SLC4A5: variants seen among roughly 807,000 people sequenced by gnomAD.
SLC4A5 encodes electrogenic sodium bicarbonate cotransporter 4.
Under a neutral mutation model 120.4 loss-of-function variants are expected in SLC4A5, and 96 were observed. The ratio of observed to expected loss-of-function variants is 0.80; its 90% CI spans 0.68 to 0.94. SLC4A5 has a LOEUF of 0.94. Among genes scored for constraint, SLC4A5 ranks in the 40% least tolerant of loss-of-function variants. The pLI is 0.00. For synonymous variants in SLC4A5, 550 were observed against 571.1 expected (o/e 0.96, Z 0.53); for missense variants, 1,259 against 1,459.5 (o/e 0.86, Z 2.24).
chr2:74,239,381 G>A, exon 21 of SLC4A5: 1 of 1,614,190 alleles, frequency 6.2e-7, no homozygotes, highest in Non-Finnish European at 8.5e-7. Flanking sequence ...CAGGGTCAGG[G>A]TCATGGAGTA....
intron 23 of SLC4A5, 109 bp from the exon 24 acceptor site, chr2:74,232,756 C>A: frequency 7.4e-7 from 1 of 1,352,490 alleles, no homozygotes; most frequent in Non-Finnish European, 1.0e-6. Flanking sequence ...CCAGAAGATA[C>A]TGAAGGGGCC....
rs1374437973 is a variant in SLC4A5 at position 74,288,475 on chromosome 2, C to T, written c.272-2573G>A. ...TCTCTGGAACTTCAGAGGTGATCAT[C>T]GCCGCTCTGAACTGAAATGTGACTT... On this transcript the variant is annotated intron_variant, in intron 7 of 30. Coordinates refer to ENST00000394019, the Ensembl canonical transcript of SLC4A5. Among the ~76,000 whole-genome samples, 5 of 152,178 alleles carry T rather than the reference C, an allele frequency of 3.3e-5. No individual in the cohort carries two copies. The South Asian group carries it at 6.2e-4, about 19-fold the overall frequency.
At chr2:74,264,024 G>A (rs1671223019) in intron 10 of SLC4A5, 123 bp downstream of exon 10, 5 of 1,294,304 alleles carry the variant, frequency 3.9e-6, no homozygotes, top group African/African-American at 3.0e-5. Context: ...AGGAGGCTGA[G>A]GGATCCCCAG....
intron 23 of SLC4A5, 75 bp downstream of exon 23, chr2:74,233,324 GCAT>G: frequency 6.6e-7 from 1 of 1,525,098 alleles, no homozygotes; most frequent in Non-Finnish European, 9.1e-7. Flanking sequence ...ACTGAAAGAA[GCAT>G]CATGTCCTTC....
chr2:74,223,116 T>C (rs1292488268), intron 28 of SLC4A5, among the ~76,000 whole-genome samples, 164 bp from the exon 29 acceptor site: 1 of 151,900 alleles, frequency 6.6e-6, no homozygotes, highest in Non-Finnish European at 1.5e-5. Context: ...GTGATTCTCC[T>C]GCCTCAGCCT....
intron 6 of SLC4A5, among the ~76,000 whole-genome samples, chr2:74,314,541 AAGTCAGCAATTCTGG>A (rs1484584802): frequency 6.6e-6 from 1 of 152,124 alleles, no homozygotes; most frequent in African/African-American, 2.4e-5. Context: ...TGGGCAGCTA[AAGTCAGCAATTCTGG>A]AGCAACAGAA....
chr2:74,228,673 A>G (rs1694940352), intron 25 of SLC4A5, among the ~76,000 whole-genome samples: 1 of 138,984 alleles, frequency 7.2e-6, no homozygotes, highest in Admixed American at 7.2e-5. Flanking sequence ...CCCCCCAAAA[A>G]AACCAAAAAA....
intron 10 of SLC4A5, 42 bp from the exon 11 acceptor site, chr2:74,262,274 C>A: frequency 1.3e-6 from 2 of 1,574,724 alleles, no homozygotes; most frequent in Non-Finnish European, 1.7e-6. Flanking sequence ...GACAGCCTTG[C>A]TGGTGTAGCG....
At chr2:74,219,667 C>T (rs1694562680) in intron 30 of SLC4A5, among the ~76,000 whole-genome samples, 1 of 152,172 alleles carries the variant, frequency 6.6e-6, no homozygotes, top group Non-Finnish European at 1.5e-5. Flanking sequence ...AACCCCTAAC[C>T]TGGTCCAAAT....
At chr2:74,275,015 C>T (rs989677962) in intron 8 of SLC4A5, among the ~76,000 whole-genome samples, 1 of 152,162 alleles carries the variant, frequency 6.6e-6, no homozygotes, top group African/African-American at 2.4e-5. Context: ...CAATGAACCC[C>T]ACTTCCTCCC....
chr2:74,239,797 C>CCTTTTCCCTCAGCAGGT (rs1369711582), intron 20 of SLC4A5, among the ~76,000 whole-genome samples: 56 of 152,154 alleles, frequency 3.7e-4, no homozygotes, highest in African/African-American at 1.2e-3. Flanking sequence ...AGGCAGGATG[C>CCTTTTCCCTCAGCAGGT]CTGGCTCCCA....
In SLC4A5 at chr2:74,262,218, G is replaced by A. The variant is rs755729911; in HGVS notation, c.730C>T (p.Arg244Trp). The A allele has an allele frequency of 3.2e-5, 50 of 1,561,176 alleles. No individual in the cohort carries two copies. The highest frequency in any genetic ancestry group is 1.1e-4 in the African/African-American group (7 of 66,664). ...AGACTCGGGCCAGCACCAGGGCTCC[G>A]GGCAGGACTGCGATCTGGGAGGAGA... Residue 244 changes from arginine to tryptophan, a missense_variant, in exon 11 of 31, where the codon CGG (arginine) becomes TGG (tryptophan). Coordinates refer to ENST00000394019, the Ensembl canonical transcript of SLC4A5.
intron 20 of SLC4A5, among the ~76,000 whole-genome samples, chr2:74,240,140 T>A (rs1188938543): frequency 6.6e-6 from 1 of 151,912 alleles, no homozygotes; most frequent in Non-Finnish European, 1.5e-5. Flanking sequence ...TTAGCTGGCC[T>A]AGCCCACCCA....
intron 5 of SLC4A5, among the ~76,000 whole-genome samples, chr2:74,322,579 C>T (rs10451627): frequency 0.039 from 5,988 of 151,992 alleles, 402 homozygotes; most frequent in African/African-American, 0.14. Flanking sequence ...AGATATGAAA[C>T]GAATATGATA....
At chr2:74,265,071 C>T (rs756377727) in intron 9 of SLC4A5, 33 bp downstream of exon 9, 9 of 1,597,312 alleles carry the variant, frequency 5.6e-6, no homozygotes, top group Admixed American at 1.7e-5. Context: ...GCAGGGACCA[C>T]AGGAGAGATG....
intron 24 of SLC4A5, among the ~76,000 whole-genome samples, chr2:74,231,662 GATA>G (rs1461482390): frequency 6.6e-6 from 1 of 152,216 alleles, no homozygotes; most frequent in Non-Finnish European, 1.5e-5. Context: ...AGTATATGCA[GATA>G]ATAATGGCAC....
At chr2:74,307,015 T>C in intron 6 of SLC4A5, 1 of 588,692 alleles carries the variant, frequency 1.7e-6, no homozygotes. Flanking sequence ...AGCTGCTCCA[T>C]CTGCAGGGTG....
chr2:74,219,221 T>TGTG lies in SLC4A5; in HGVS notation c.*34-430_*34-429insCAC, dbSNP rs1558861679. On this transcript the variant is annotated intron_variant, in intron 30 of 30. Coordinates refer to ENST00000394019, the Ensembl canonical transcript of SLC4A5. ...TGTGTGTGTGTGTGTGTGTGTGTGT[T>TGTG]TGTGTGTGTTTTCAAATGGTACTTC... 8.4e-3 allele frequency among the ~76,000 whole-genome samples: 756 copies of TGTG among 90,238 alleles called. 1 individual carries two copies. Among genetic ancestry groups the TGTG allele is most frequent in the Non-Finnish European group, 0.012 (551 of 47,154 alleles). 59.2% of individuals were successfully genotyped at this position (90,238 alleles called of 152,430 possible). A position where few individuals can be genotyped will look rare whatever the true frequency, so the allele number is the denominator to read the frequency against.
At chr2:74,311,390 G>T (rs897652756) in intron 6 of SLC4A5, among the ~76,000 whole-genome samples, 1 of 151,960 alleles carries the variant, frequency 6.6e-6, no homozygotes, top group African/African-American at 2.4e-5. Flanking sequence ...TGGGAGCTTA[G>T]GTTGTTGCTT....
Sources: allele counts gnomAD v4.1 joint callset (sites outside exome capture counted in the v4.1 genomes callset), GRCh38; gene constraint gnomAD v4.1.1; transcripts MANE v1.5; gene names NCBI Gene and HGNC (gene_info 2026-07-23, HGNC 2026-07-21).